Variants in GRM5 observed in about 807,000 individuals in gnomAD.
GRM5 encodes the protein glutamate metabotropic receptor 5.
Under a neutral mutation model 83.1 loss-of-function variants are expected in GRM5, and 19 were observed. That is an observed-to-expected ratio of 0.23 (90% CI 0.16 to 0.34). The LOEUF is 0.34. GRM5 is among the 10% of genes least tolerant of loss of function. The pLI is 1.00. For missense variants in GRM5, 1,160 were observed against 1,588.3 expected (o/e 0.73, Z 4.58); for synonymous variants, 675 against 633.6 (o/e 1.07, Z -0.98).
chr11:88,822,316 T>A (rs1370091526), intron 3 of GRM5, among the ~76,000 whole-genome samples: 1 of 152,166 alleles, frequency 6.6e-6, no homozygotes, highest in Non-Finnish European at 1.5e-5. Flanking sequence ...CAATAAGAGA[T>A]ATATAGATAA....
chr11:88,515,380 C>T (rs1397767038), intron 9 of GRM5, among the ~76,000 whole-genome samples: 2 of 152,110 alleles, frequency 1.3e-5, no homozygotes, highest in African/African-American at 2.4e-5. Context: ...AAGGAATGAG[C>T]TCTGGTGTTC....
intron 2 of GRM5, among the ~76,000 whole-genome samples, chr11:88,872,734 C>G (rs1444953780): frequency 6.6e-6 from 1 of 150,956 alleles, no homozygotes; most frequent in East Asian, 1.9e-4. Context: ...GAATAAAAAA[C>G]AAGGAATCAA....
intron 2 of GRM5, among the ~76,000 whole-genome samples, chr11:88,957,118 T>A (rs926305961): frequency 2.0e-5 from 3 of 152,192 alleles, no homozygotes; most frequent in Admixed American, 2.0e-4. Flanking sequence ...TCTGTCAACG[T>A]AAGTTGGAGA....
chr11:88,804,011 G>T (rs1436239088), intron 3 of GRM5, among the ~76,000 whole-genome samples: 1 of 150,994 alleles, frequency 6.6e-6, no homozygotes, highest in African/African-American at 2.4e-5. Flanking sequence ...AGTTAGAATG[G>T]CAATCATTAA....
At chr11:88,572,238 A>G (rs1943019261) in intron 7 of GRM5, among the ~76,000 whole-genome samples, 1 of 152,206 alleles carries the variant, frequency 6.6e-6, no homozygotes. Flanking sequence ...AACACAACCA[A>G]TGAGGAAATT....
chr11:88,578,087 A>G (rs547064427), intron 7 of GRM5, among the ~76,000 whole-genome samples: 11 of 152,218 alleles, frequency 7.2e-5, no homozygotes, highest in African/African-American at 2.4e-4. Context: ...GGGAAAAGCC[A>G]GGCTACTTTC....
chr11:88,905,178 G>T (rs1464355074), intron 2 of GRM5, among the ~76,000 whole-genome samples: 2 of 152,142 alleles, frequency 1.3e-5, no homozygotes, highest in African/African-American at 4.8e-5. Context: ...AGAGAAGATC[G>T]TGAGGTAGGG....
intron 2 of GRM5, among the ~76,000 whole-genome samples, chr11:88,887,052 T>TCTAG (rs1255826751): frequency 6.6e-6 from 1 of 152,102 alleles, no homozygotes; most frequent in Non-Finnish European, 1.5e-5. Context: ...ACCCAAACAC[T>TCTAG]CTAGCTAACC....
At chr11:88,629,245 A>G (rs763690230) in intron 4 of GRM5, among the ~76,000 whole-genome samples, 12 of 152,194 alleles carry the variant, frequency 7.9e-5, no homozygotes, top group Non-Finnish European at 1.8e-4. Context: ...TCAAATAACC[A>G]GACCTTCTTT....
intron 2 of GRM5, among the ~76,000 whole-genome samples, chr11:88,869,658 G>A (rs971160468): frequency 3.3e-5 from 5 of 151,262 alleles, no homozygotes; most frequent in Admixed American, 1.3e-4. Flanking sequence ...ACTGCTCATC[G>A]GGCCTTTTGC....
At chr11:88,556,322 T>C (rs1028754006) in intron 8 of GRM5, among the ~76,000 whole-genome samples, 13 of 135,558 alleles carry the variant, frequency 9.6e-5, no homozygotes, top group African/African-American at 4.5e-4. Flanking sequence ...TTCTTTTCTT[T>C]TCTTTTTTTT....
At chr11:88,929,152 C>T (rs1937629426) in intron 2 of GRM5, among the ~76,000 whole-genome samples, 1 of 152,024 alleles carries the variant, frequency 6.6e-6, no homozygotes, top group Non-Finnish European at 1.5e-5. Context: ...CTACAATCTA[C>T]CTCTGATAGG....
intron 2 of GRM5, among the ~76,000 whole-genome samples, chr11:88,909,233 G>C (rs1409523780): frequency 6.6e-6 from 1 of 151,916 alleles, no homozygotes; most frequent in Non-Finnish European, 1.5e-5. Flanking sequence ...TATTAATCTT[G>C]GGTTTCTCTA....
rs199551301 is a variant in GRM5 at position 88,570,550 on chromosome 11, A to AATAT, written c.1691-2562_1691-2559dup. ...CTGTTTTACCAAAAAAAGTATTAAT[A>AATAT]ATATATATATATATATATATATTTT... On this transcript the variant is annotated intron_variant, in intron 7 of 9. Coordinates refer to ENST00000305447, the MANE Select transcript of GRM5 (RefSeq NM_001143831.3). 3.1e-3 allele frequency among the ~76,000 whole-genome samples: 224 copies of AATAT among 71,924 alleles called. 5 individuals are homozygous for AATAT. Among genetic ancestry groups the AATAT allele is most frequent in the African/African-American group, 7.4e-3 (91 of 12,232 alleles). The allele number at this position is 71,924 out of a possible 152,430, so 47.2% of individuals were successfully genotyped here.
intron 3 of GRM5, among the ~76,000 whole-genome samples, chr11:88,690,130 A>AT (rs1053258639): frequency 6.6e-6 from 1 of 152,168 alleles, no homozygotes; most frequent in African/African-American, 2.4e-5. Context: ...CTGGTAGTAA[A>AT]TTTTTTTAAA....
chr11:88,682,847 C>T (rs751078505), intron 3 of GRM5, among the ~76,000 whole-genome samples: 14 of 151,380 alleles, frequency 9.2e-5, no homozygotes, highest in Non-Finnish European at 1.8e-4. Flanking sequence ...TTCTCTTCAC[C>T]TTCATTCTTT....
chr11:88,605,868 G>A (rs1938129013), intron 4 of GRM5, among the ~76,000 whole-genome samples: 1 of 152,200 alleles, frequency 6.6e-6, no homozygotes, highest in Non-Finnish European at 1.5e-5. Flanking sequence ...CTTGCTCCGA[G>A]TGAGGGACAT....
At chr11:88,600,228 TC>T (rs1325745826) in intron 5 of GRM5, among the ~76,000 whole-genome samples, 1 of 149,264 alleles carries the variant, frequency 6.7e-6, no homozygotes, top group Non-Finnish European at 1.5e-5. Context: ...TCTTCCTCAA[TC>T]CTCCTCCTCC....
At chr11:88,573,199 G>C (rs1488408517) in intron 7 of GRM5, among the ~76,000 whole-genome samples, 1 of 151,998 alleles carries the variant, frequency 6.6e-6, no homozygotes, top group Non-Finnish European at 1.5e-5. Flanking sequence ...TTTTTTTAAA[G>C]AGGGAAAGTG....
Sources: allele counts gnomAD v4.1 joint callset (sites outside exome capture counted in the v4.1 genomes callset), GRCh38; gene constraint gnomAD v4.1.1; transcripts MANE v1.5; gene names NCBI Gene and HGNC (gene_info 2026-07-23, HGNC 2026-07-21).